The following ASTN2 variants were observed in gnomAD, a reference collection of about 807,000 sequenced individuals.
The protein encoded by ASTN2 is astrotactin-2.
A neutral mutation model predicts 139.8 loss-of-function variants in ASTN2; 54 were observed. The ratio of observed to expected loss-of-function variants is 0.39; its 90% CI spans 0.31 to 0.48. ASTN2 has a LOEUF of 0.48. Ranked by LOEUF, ASTN2 falls within the 20% of genes least tolerant of loss-of-function variation. The probability of loss-of-function intolerance (pLI) is 0.95; values close to 1 mark genes in which losing one functional copy is unlikely to be tolerated. For synonymous variants in ASTN2, 756 were observed against 719.5 expected (o/e 1.05, Z -0.81); for missense variants, 1,565 against 1,725.1 (o/e 0.91, Z 1.64).
At chr9:116,524,740 A>T (rs1205972655) in intron 19 of ASTN2, among the ~76,000 whole-genome samples, 1 of 152,208 alleles carries the variant, frequency 6.6e-6, no homozygotes, top group Non-Finnish European at 1.5e-5. Flanking sequence ...TGAGCCCCTC[A>T]CATGACTTTC....
chr9:117,195,055 A>G lies in ASTN2; in HGVS notation c.1015+19303T>C, dbSNP rs569167826. On this transcript the variant is annotated intron_variant, in intron 3 of 22. Transcript: ENST00000313400. ...ATGTGCCAGGGATTGTTTTAAGCAC[A>G]GAACAAACTTGGTACTGATCTCATG... Among the ~76,000 whole-genome samples the G allele has an allele frequency of 5.3e-5, 8 of 152,338 alleles. No homozygotes were observed. In the South Asian group the frequency reaches 1.0e-3, roughly 20 times the overall value.
chr9:116,927,262 A>G (rs1834780608), intron 10 of ASTN2, among the ~76,000 whole-genome samples: 1 of 151,972 alleles, frequency 6.6e-6, no homozygotes, highest in Non-Finnish European at 1.5e-5. Context: ...ATGGCTTCTG[A>G]TCTCCCAAAA....
chr9:116,833,465 G>A (rs2416585), intron 11 of ASTN2, among the ~76,000 whole-genome samples: 34,951 of 148,322 alleles, frequency 0.24, 4,789 homozygotes, highest in East Asian at 0.5. Context: ...TCTTGAGGTG[G>A]GAGCCTAGAT....
At chr9:116,703,938 G>C (rs1424838281) in intron 16 of ASTN2, among the ~76,000 whole-genome samples, 1 of 152,146 alleles carries the variant, frequency 6.6e-6, no homozygotes, top group African/African-American at 2.4e-5. Context: ...GAGGAAGAAG[G>C]CTGTGTAGCA....
At position 117,118,077 on chromosome 9, in the gene ASTN2, C is replaced by T. The variant is rs182926474; in HGVS notation, c.1169-21926G>A. Among the ~76,000 whole-genome samples the T allele has an allele frequency of 4.6e-4, 70 of 152,356 alleles. 5 individuals are homozygous for T. The highest frequency in any genetic ancestry group is 1.6e-3 in the African/African-American group (66 of 41,596). Reference sequence around the variant, plus strand: ...TCACTGACCAGTTATAAGGAAAGCTCAGTAGCCGAGACCTAGGATTCTTGG... The same window carrying T: ...TCACTGACCAGTTATAAGGAAAGCTTAGTAGCCGAGACCTAGGATTCTTGG... On this transcript the variant is annotated intron_variant, in intron 4 of 22. Coordinates refer to ENST00000313400, the MANE Select transcript of ASTN2 (RefSeq NM_001365068.1).
chr9:117,001,105 T>A (rs952611703), intron 7 of ASTN2, among the ~76,000 whole-genome samples: 4 of 152,204 alleles, frequency 2.6e-5, no homozygotes, highest in African/African-American at 9.6e-5. Context: ...TATATATGTT[T>A]CAGCTGTAGC....
intron 4 of ASTN2, among the ~76,000 whole-genome samples, chr9:117,127,672 G>GGTTTT (rs1829723509): frequency 1.4e-5 from 1 of 70,890 alleles, no homozygotes; most frequent in Non-Finnish European, 2.5e-5. Context: ...TTTTGTTTTG[G>GGTTTT]TTTTTTTTTT....
intron 2 of ASTN2, among the ~76,000 whole-genome samples, chr9:117,287,706 C>G (rs1834485139): frequency 6.6e-6 from 1 of 152,144 alleles, no homozygotes; most frequent in East Asian, 1.9e-4. Flanking sequence ...TTCTCTAGAT[C>G]AGGCAGCAAA....
At chr9:116,621,186 G>A (rs1166705962) in intron 17 of ASTN2, among the ~76,000 whole-genome samples, 3 of 152,104 alleles carry the variant, frequency 2.0e-5, no homozygotes, top group Non-Finnish European at 4.4e-5. Flanking sequence ...TTGGCTTTGG[G>A]ACAAGGTAGA....
intron 10 of ASTN2, among the ~76,000 whole-genome samples, chr9:116,865,865 T>TATTC (rs943812285): frequency 9.9e-5 from 15 of 152,168 alleles, no homozygotes; most frequent in Admixed American, 2.6e-4. Flanking sequence ...AAACTCTTCA[T>TATTC]ATTCATTCAT....
At chr9:116,435,775 C>T (rs986170748) in intron 22 of ASTN2, among the ~76,000 whole-genome samples, 1 of 152,194 alleles carries the variant, frequency 6.6e-6, no homozygotes, top group Non-Finnish European at 1.5e-5. Context: ...GGAACCTTGT[C>T]ACTCCAAGTA....
chr9:117,082,842 T>A lies in ASTN2; in HGVS notation c.1276+13202A>T, dbSNP rs193165503. Reference sequence around the variant, plus strand: ...CAAACAAAAAACACCCTTCATAGACTCGTCATTTCATGGAGGTTCAAGTGC... The same window carrying A: ...CAAACAAAAAACACCCTTCATAGACACGTCATTTCATGGAGGTTCAAGTGC... On this transcript the variant is annotated intron_variant, in intron 5 of 22. Transcript: ENST00000313400. 5.5e-3 allele frequency among the ~76,000 whole-genome samples: 843 copies of A among 152,230 alleles called. 7 individuals carry two copies. Among genetic ancestry groups the A allele is most frequent in the African/African-American group, 0.02 (813 of 41,554 alleles).
chr9:117,306,782 A>T (rs1835010555), intron 1 of ASTN2, among the ~76,000 whole-genome samples: 1 of 152,138 alleles, frequency 6.6e-6, no homozygotes, highest in East Asian at 1.9e-4. Flanking sequence ...CACTCATCCC[A>T]TGCACCTTTT....
chr9:116,671,157 TAGAAA>T (rs1416295106), intron 16 of ASTN2, among the ~76,000 whole-genome samples: 1 of 152,176 alleles, frequency 6.6e-6, no homozygotes, highest in East Asian at 1.9e-4. Flanking sequence ...AAATTTATAT[TAGAAA>T]AGAAAGTTTT....
intron 1 of ASTN2, among the ~76,000 whole-genome samples, chr9:117,413,636 C>T (rs1431603374): frequency 6.6e-6 from 1 of 152,212 alleles, no homozygotes; most frequent in Non-Finnish European, 1.5e-5. Context: ...GCGCAGGGAA[C>T]CAGCAGGCAG....
chr9:116,977,738 TGA>T lies in ASTN2; in HGVS notation c.1592-955_1592-954del, dbSNP rs544267914. ...TTCTTTTTTTTTTTTTTTTTGAGACTGAGAGTCTCACTCCATCACCCAGACTG... is the reference window on the plus strand; with the variant it reads ...TTCTTTTTTTTTTTTTTTTTGAGACTGAGTCTCACTCCATCACCCAGACTG... On this transcript the variant is annotated intron_variant, in intron 7 of 22. Coordinates refer to ENST00000313400, the MANE Select transcript of ASTN2 (RefSeq NM_001365068.1). 5.6e-3 allele frequency among the ~76,000 whole-genome samples: 759 copies of T among 134,414 alleles called. 5 individuals carry two copies. Among genetic ancestry groups the T allele is most frequent in the African/African-American group, 0.019 (707 of 36,956 alleles). The allele number at this position is 134,414 out of a possible 152,430, so 88.2% of individuals were successfully genotyped here.
intron 7 of ASTN2, among the ~76,000 whole-genome samples, chr9:117,000,573 T>C (rs1837166133): frequency 1.3e-5 from 2 of 152,210 alleles, no homozygotes; most frequent in African/African-American, 4.8e-5. Flanking sequence ...TGATTTAAAC[T>C]GTGTGGTGTT....
rs562267866 is a variant in ASTN2, at chr9:116,954,654, CTTTA to C, written c.1889+20550_1889+20553del. Among the ~76,000 whole-genome samples, 302 of 129,590 alleles carry C rather than the reference CTTTA, an allele frequency of 2.3e-3. 1 individual carries two copies. Among genetic ancestry groups the C allele is most frequent in the African/African-American group, 6.2e-3 (252 of 40,576 alleles). The allele number at this position is 129,590 out of a possible 152,430, so 85.0% of individuals were successfully genotyped here. A position where few individuals can be genotyped will look rare whatever the true frequency, so the allele number is the denominator to read the frequency against. On this transcript the variant is annotated intron_variant, in intron 10 of 22. Coordinates refer to ENST00000313400, the MANE Select transcript of ASTN2 (RefSeq NM_001365068.1). Reference sequence around the variant, plus strand: ...TGGATGTAACTATGTTCCAATAAAACTTTATTTATTAAAAAAAAACAGGTGATGG... The same window carrying C: ...TGGATGTAACTATGTTCCAATAAAACTTTATTAAAAAAAAACAGGTGATGG...
chr9:116,462,788 A>G (rs12057058), intron 20 of ASTN2, among the ~76,000 whole-genome samples: 4,025 of 146,146 alleles, frequency 0.028, 244 homozygotes, highest in South Asian at 0.2. Flanking sequence ...TTGGGTGAGC[A>G]TGTGTGTGTG....
Sources: gnomAD v4.1 joint callset for allele counts (sites outside exome capture counted in the v4.1 genomes callset) on GRCh38, gnomAD v4.1.1 for gene constraint, MANE v1.5 for transcripts, NCBI Gene and HGNC (gene_info 2026-07-23, HGNC 2026-07-21) for gene names.